The following MYO16 variants were observed in gnomAD, a reference collection of about 807,000 sequenced individuals.
The protein encoded by MYO16 is myosin XVI.
A neutral mutation model predicts 205.3 loss-of-function variants in MYO16; 94 were observed. The observed-to-expected ratio is 0.46, with a 90% CI of 0.39 to 0.54. The LOEUF (loss-of-function observed/expected upper bound fraction) is 0.54. Among genes scored for constraint, MYO16 ranks in the 20% least tolerant of loss-of-function variants. MYO16 has a pLI of 0.00. For synonymous variants in MYO16, 988 were observed against 954.0 expected (o/e 1.04, Z -0.66); for missense variants, 2,315 against 2,387.5 (o/e 0.97, Z 0.63).
intron 23 of MYO16, among the ~76,000 whole-genome samples, chr13:109,041,422 CA>C (rs1468425434): frequency 6.6e-6 from 1 of 152,050 alleles, no homozygotes; most frequent in Non-Finnish European, 1.5e-5. Context: ...ATAGCTAAAA[CA>C]ATGTTTATAA....
chr13:108,855,077 T>G (rs1469854465), intron 10 of MYO16, among the ~76,000 whole-genome samples: 6 of 152,158 alleles, frequency 3.9e-5, no homozygotes, highest in Non-Finnish European at 8.8e-5. Context: ...ATATATGAGG[T>G]GTTCCACTGC....
intron 8 of MYO16, among the ~76,000 whole-genome samples, chr13:108,822,855 A>G (rs993915064): frequency 3.3e-5 from 5 of 152,178 alleles, no homozygotes; most frequent in Admixed American, 2.0e-4. Context: ...TAGATTCTCA[A>G]TGATTTTTTA....
At chr13:108,728,697 C>T (rs1402101562) in intron 4 of MYO16, among the ~76,000 whole-genome samples, 3 of 152,202 alleles carry the variant, frequency 2.0e-5, no homozygotes, top group African/African-American at 7.2e-5. Flanking sequence ...TCAGAAGATA[C>T]CAGTCATAGG....
At chr13:109,077,814 T>C (rs9559485) in intron 27 of MYO16, among the ~76,000 whole-genome samples, 73,215 of 152,024 alleles carry the variant, frequency 0.48, 17,881 homozygotes, top group Middle Eastern at 0.55. Flanking sequence ...TCTTGGATCT[T>C]TGAGTTTACA....
At chr13:109,090,599 C>T (rs577975541) in intron 27 of MYO16, among the ~76,000 whole-genome samples, 4 of 152,164 alleles carry the variant, frequency 2.6e-5, no homozygotes, top group South Asian at 4.2e-4. Context: ...TGTGGGCGTG[C>T]GGAGGCTGCA....
intron 33 of MYO16, among the ~76,000 whole-genome samples, chr13:109,171,934 G>A (rs867576261): frequency 6.6e-6 from 1 of 152,156 alleles, no homozygotes; most frequent in South Asian, 2.1e-4. Flanking sequence ...GCACAATAAG[G>A]GTTATTTGTG....
chr13:109,170,199 C>T (rs1358576155), intron 33 of MYO16, among the ~76,000 whole-genome samples: 2 of 150,998 alleles, frequency 1.3e-5, no homozygotes, highest in Non-Finnish European at 2.9e-5. Context: ...TAATATTCAA[C>T]GTTTATTTAA....
chr13:108,883,735 C>T (rs1432144176), intron 13 of MYO16, among the ~76,000 whole-genome samples: 1 of 151,892 alleles, frequency 6.6e-6, no homozygotes, highest in Non-Finnish European at 1.5e-5. Flanking sequence ...AAGTGATCCT[C>T]CCACCTCAGC....
intron 15 of MYO16, among the ~76,000 whole-genome samples, chr13:108,905,658 G>C (rs1162827705): frequency 6.6e-6 from 1 of 152,194 alleles, no homozygotes; most frequent in Non-Finnish European, 1.5e-5. Context: ...AGGACTTTTA[G>C]AAGGTCACCA....
intron 2 of MYO16, among the ~76,000 whole-genome samples, chr13:108,699,083 T>C (rs1012974028): frequency 7.2e-6 from 1 of 138,640 alleles, no homozygotes; most frequent in Non-Finnish European, 1.6e-5. Flanking sequence ...TCTGTCTCTC[T>C]CTCTCTCTCT....
chr13:108,557,805 G>A, the MYO16 span, among the ~76,000 whole-genome samples: 1 of 151,728 alleles, frequency 6.6e-6, no homozygotes, highest in Non-Finnish European at 1.5e-5. Flanking sequence ...TCTTTTAAAG[G>A]CAAAAAGGGG....
In MYO16 at chr13:108,701,390, G is replaced by A. The variant is rs79481085; in HGVS notation, c.293-11271G>A. ...TGAGTGGTTTAATGCTGTTATCACTGGAGTAGGTTTGTTATCGTGGGAGTG... is the reference window on the plus strand; with the variant it reads ...TGAGTGGTTTAATGCTGTTATCACTAGAGTAGGTTTGTTATCGTGGGAGTG... On this transcript the variant is annotated intron_variant, in intron 2 of 34. Coordinates refer to ENST00000457511, the MANE Select transcript of MYO16 (RefSeq NM_001198950.3). Among the ~76,000 whole-genome samples the A allele has an allele frequency of 5.2e-3, 798 of 152,158 alleles. 8 individuals are homozygous for A. Among genetic ancestry groups the A allele is most frequent in the African/African-American group, 0.018 (764 of 41,518 alleles).
Position 109,065,264 on chromosome 13 carries a change from A to G in MYO16, c.3335+9669A>G, listed in dbSNP as rs546756810. Among the ~76,000 whole-genome samples the G allele has an allele frequency of 7.9e-5, 12 of 152,276 alleles. No homozygotes were observed. In the East Asian group the frequency reaches 2.3e-3, roughly 29 times the overall value. On this transcript the variant is annotated intron_variant, in intron 27 of 34. Coordinates refer to ENST00000457511, the MANE Select transcript of MYO16 (RefSeq NM_001198950.3). ...CTCGCTGTATTCTATTCATCAAAGC[A>G]CTTGAAACCAACCCAGATATGTTCA... is the stretch of plus-strand genomic sequence containing the variant.
At chr13:108,604,841 T>C (rs1263116273) in intron 1 of MYO16, among the ~76,000 whole-genome samples, 1 of 152,206 alleles carries the variant, frequency 6.6e-6, no homozygotes, top group Non-Finnish European at 1.5e-5. Context: ...GTTTTTCCAC[T>C]TGTATACCTC....
intron 25 of MYO16, 97 bp downstream of exon 25, chr13:109,052,572 G>A: frequency 1.1e-6 from 1 of 876,950 alleles, no homozygotes; most frequent in East Asian, 2.7e-5. Context: ...AAATACCAAG[G>A]AAATAGATAT....
chr13:108,830,311 G>T (rs1255970151), intron 9 of MYO16, among the ~76,000 whole-genome samples: 14 of 122,092 alleles, frequency 1.1e-4, no homozygotes, highest in Admixed American at 1.1e-3. Flanking sequence ...ACATGCACAC[G>T]TATGTTTATT....
chr13:108,622,021 C>T (rs1879562130), intron 1 of MYO16, among the ~76,000 whole-genome samples: 1 of 151,908 alleles, frequency 6.6e-6, no homozygotes, highest in Non-Finnish European at 1.5e-5. Context: ...TTCAGGCATC[C>T]ACTGGGGATC....
At chr13:108,830,324 G>A (rs1201273224) in intron 9 of MYO16, among the ~76,000 whole-genome samples, 41 of 128,136 alleles carry the variant, frequency 3.2e-4, no homozygotes, top group South Asian at 5.4e-4. Flanking sequence ...TGTTTATTGT[G>A]GCACTATTCA....
chr13:108,900,113 T>C (rs1377337501), intron 15 of MYO16, among the ~76,000 whole-genome samples: 1 of 152,208 alleles, frequency 6.6e-6, no homozygotes, highest in African/African-American at 2.4e-5. Flanking sequence ...TCTGAAGGTG[T>C]CATCCATTAC....
Sources: allele counts gnomAD v4.1 joint callset (sites outside exome capture counted in the v4.1 genomes callset), GRCh38; gene constraint gnomAD v4.1.1; transcripts MANE v1.5; gene names NCBI Gene and HGNC (gene_info 2026-07-23, HGNC 2026-07-21).